The following WASHC5 variants were observed in gnomAD, a reference collection of about 807,000 sequenced individuals.
WASHC5 encodes WASH complex subunit strumpellin.
WASHC5 carries 101 observed loss-of-function variants against 150.4 expected under a neutral mutation model. The observed-to-expected ratio is 0.67, with a 90% CI of 0.57 to 0.79. The LOEUF (loss-of-function observed/expected upper bound fraction) is 0.79. WASHC5 is among the 30% of genes least tolerant of loss of function. WASHC5 has a pLI of 0.00. For synonymous variants in WASHC5, 467 were observed against 491.2 expected (o/e 0.95, Z 0.65); for missense variants, 1,195 against 1,396.3 (o/e 0.86, Z 2.30).
chr8:125,055,766 T>G, intron 16 of WASHC5, 95 bp from the exon 17 acceptor site: 1 of 811,834 alleles, frequency 1.2e-6, no homozygotes, highest in Non-Finnish European at 2.2e-6. Context: ...TTAGGACACC[T>G]GTGTCCACAT....
intron 20 of WASHC5, among the ~76,000 whole-genome samples, chr8:125,045,583 A>C (rs991781361): frequency 6.6e-6 from 1 of 152,214 alleles, no homozygotes; most frequent in African/African-American, 2.4e-5. Flanking sequence ...AGCAAGCTCC[A>C]CAGATGACAT....
chr8:125,080,791 G>C (rs10097947), intron 5 of WASHC5, among the ~76,000 whole-genome samples: 28,528 of 152,114 alleles, frequency 0.19, 3,159 homozygotes, highest in Middle Eastern at 0.35. Flanking sequence ...GTTCTGTATA[G>C]ATAAACACAA....
At chr8:125,033,226 A>C (rs750803245) in intron 26 of WASHC5, among the ~76,000 whole-genome samples, 11 of 152,242 alleles carry the variant, frequency 7.2e-5, no homozygotes, top group Non-Finnish European at 1.3e-4. Flanking sequence ...CAAGCTCTCT[A>C]TACAGTTTCA....
chr8:125,079,116 GTATATA>G (rs57043871), intron 5 of WASHC5, among the ~76,000 whole-genome samples, 186 bp from the exon 6 acceptor site: 32 of 97,908 alleles, frequency 3.3e-4, no homozygotes, highest in African/African-American at 6.0e-4. Flanking sequence ...GTGTGTGTGT[GTATATA>G]TATATATATA....
At chr8:125,025,401 A>C (rs1303533848) in intron 28 of WASHC5, among the ~76,000 whole-genome samples, 1 of 152,212 alleles carries the variant, frequency 6.6e-6, no homozygotes, top group Non-Finnish European at 1.5e-5. Context: ...GTGAGGCTTA[A>C]AACCTAGGCT....
intron 23 of WASHC5, among the ~76,000 whole-genome samples, chr8:125,040,466 G>T (rs1056741420): frequency 6.6e-6 from 1 of 152,034 alleles, no homozygotes; most frequent in Admixed American, 6.5e-5. Flanking sequence ...TTAATCCAGG[G>T]TTCTTAATTT....
In WASHC5 at chr8:125,087,885, C is replaced by A. The variant is rs145739423; in HGVS notation, c.-125+3730G>T. Among the ~76,000 whole-genome samples, 682 of 152,112 alleles carry A rather than the reference C, an allele frequency of 4.5e-3. 2 individuals carry two copies. Among genetic ancestry groups the A allele is most frequent in the Non-Finnish European group, 7.2e-3 (491 of 67,992 alleles). On this transcript the variant is annotated intron_variant, in intron 1 of 28. Coordinates refer to ENST00000318410, the MANE Select transcript of WASHC5 (RefSeq NM_014846.4). ...GAAAAAGTTTTGATTACAAATGTAT[C>A]TTGAAATTTGTGAAAATGAGCTTTA...
At position 125,063,585 on chromosome 8, in the gene WASHC5, G is replaced by T. The variant is rs886062653; in HGVS notation, c.1345C>A (p.Arg449=). ...AAGACATCAGCAAGCTCAGTCATCC[G>T]CTCCGAACCCTCTTTCTTGTAATGC... is the stretch of plus-strand genomic sequence containing the variant. ...WEHYKKEGSE[R]MTELADVFSG... Residue 449 remains arginine, a synonymous_variant, in exon 11 of 29, where the codon CGG becomes AGG. Transcript: ENST00000318410. The T allele has an allele frequency of 6.2e-7, 1 of 1,613,626 alleles. No individual in the cohort carries two copies. The highest frequency in any genetic ancestry group is 8.5e-7 in the Non-Finnish European group (1 of 1,179,730).
intron 1 of WASHC5, among the ~76,000 whole-genome samples, chr8:125,090,247 C>T (rs1325042745): frequency 2.0e-5 from 3 of 152,166 alleles, no homozygotes; most frequent in Non-Finnish European, 4.4e-5. Flanking sequence ...ATAGCCCCCT[C>T]GTTGGCTGAA....
At chr8:125,063,891 G>T (rs192518158) in intron 10 of WASHC5, among the ~76,000 whole-genome samples, 111 of 152,208 alleles carry the variant, frequency 7.3e-4, no homozygotes, top group Non-Finnish European at 7.5e-4. Flanking sequence ...AGCACCACCA[G>T]GAGGCTTTAA....
At chr8:125,046,013 G>C (rs1816055904) in intron 20 of WASHC5, among the ~76,000 whole-genome samples, 1 of 152,100 alleles carries the variant, frequency 6.6e-6, no homozygotes, top group South Asian at 2.1e-4. Context: ...TAGAAATTTT[G>C]GAATAAGGTT....
intron 10 of WASHC5, among the ~76,000 whole-genome samples, chr8:125,065,033 G>A (rs10096319): frequency 2.0e-5 from 3 of 152,058 alleles, no homozygotes; most frequent in African/African-American, 4.8e-5. Context: ...TGAAGCCTTC[G>A]TAAGAGACTA....
At chr8:125,090,982 T>C (rs1390570781) in intron 1 of WASHC5, among the ~76,000 whole-genome samples, 1 of 152,144 alleles carries the variant, frequency 6.6e-6, no homozygotes, top group African/African-American at 2.4e-5. Flanking sequence ...ACAGTAAAAC[T>C]TCGCCCTCAC....
At chr8:125,077,280 C>T (rs1586382769) in intron 6 of WASHC5, among the ~76,000 whole-genome samples, 1 of 152,246 alleles carries the variant, frequency 6.6e-6, no homozygotes, top group South Asian at 2.1e-4. Flanking sequence ...AACCGGAATG[C>T]CTTCGCTCTT....
At chr8:125,037,825 C>A (rs1253657286) in intron 25 of WASHC5, among the ~76,000 whole-genome samples, 3 of 152,154 alleles carry the variant, frequency 2.0e-5, no homozygotes, top group Admixed American at 6.5e-5. Flanking sequence ...TTCTTCTTGT[C>A]ATTTGCTGTC....
intron 25 of WASHC5, 100 bp from the exon 26 acceptor site, chr8:125,037,433 C>A: frequency 2.5e-6 from 2 of 796,864 alleles, no homozygotes; most frequent in South Asian, 2.8e-5. Context: ...CTTCAATTTG[C>A]TCTTTGGCTT....
Position 125,059,376 on chromosome 8 carries a change from C to T in WASHC5, c.1688G>A (p.Ser563Asn). Residue 563 changes from serine to asparagine, a missense_variant and splice_region_variant, in exon 13 of 29, where the codon AGT becomes AAT. Coordinates refer to ENST00000318410, the MANE Select transcript of WASHC5 (RefSeq NM_014846.4). The stretch of plus-strand genomic sequence containing the variant: ...GCAAATGTCAGGCTGCCTACATTAC[C>T]TGTCAATCAACTGCCAAGCGAAAGA... ...DLSFAWQLIDSFTSIMQESIR... is the reference protein window; with the variant it reads ...DLSFAWQLIDNFTSIMQESIR... The T allele has an allele frequency of 6.2e-7, 1 of 1,614,140 alleles. No homozygotes were observed. The highest frequency in any genetic ancestry group is 8.5e-7 in the Non-Finnish European group (1 of 1,180,018).
Position 125,079,116 on chromosome 8 carries a change from G to GTATATATATATATATATATA in WASHC5, c.519-206_519-187dup, listed in dbSNP as rs57043871. On this transcript the variant is annotated intron_variant, in intron 5 of 28. Coordinates refer to ENST00000318410, the MANE Select transcript of WASHC5 (RefSeq NM_014846.4). ...TGTGTATATATATGTGTGTGTGTGT[G>GTATATATATATATATATATA]TATATATATATATATATATATATAC... is the stretch of plus-strand genomic sequence containing the variant. 6.9e-3 allele frequency among the ~76,000 whole-genome samples: 676 copies of GTATATATATATATATATATA among 97,782 alleles called. 9 individuals are homozygous for GTATATATATATATATATATA. The highest frequency in any genetic ancestry group is 0.01 in the Non-Finnish European group (565 of 54,352). The allele number at this position is 97,782 out of a possible 152,430, so 64.1% of individuals were successfully genotyped here.
intron 27 of WASHC5, among the ~76,000 whole-genome samples, chr8:125,030,925 G>A (rs1158415510): frequency 6.6e-6 from 1 of 152,156 alleles, no homozygotes; most frequent in Admixed American, 6.5e-5. Flanking sequence ...GACAACAGAT[G>A]GCATACAAAA....
Sources: gnomAD v4.1 joint callset for allele counts (sites outside exome capture counted in the v4.1 genomes callset) on GRCh38, gnomAD v4.1.1 for gene constraint, MANE v1.5 for transcripts, NCBI Gene and HGNC (gene_info 2026-07-23, HGNC 2026-07-21) for gene names.